Variants in CABCOCO1 observed in about 807,000 individuals in gnomAD.
CABCOCO1 encodes the protein ciliary-associated calcium-binding coiled-coil protein 1.
CABCOCO1 carries 28 observed loss-of-function variants against 35.7 expected under a neutral mutation model. That is an observed-to-expected ratio of 0.78 (90% CI 0.58 to 1.07). The LOEUF (loss-of-function observed/expected upper bound fraction) is 1.07, where lower values mean the gene tolerates loss of function less well. Among genes scored for constraint, CABCOCO1 ranks in the 50% least tolerant of loss-of-function variants. The probability of loss-of-function intolerance (pLI) is 0.00; values close to 1 mark genes in which losing one functional copy is unlikely to be tolerated. For missense variants in CABCOCO1, 326 were observed against 309.2 expected, an observed-to-expected ratio of 1.05 and a Z score of -0.41; for synonymous variants, 95 against 100.1, an observed-to-expected ratio of 0.95 and a Z score of 0.30.
At chr10:61,704,052 A>G (rs1414925839) in intron 5 of CABCOCO1, among the ~76,000 whole-genome samples, 3 of 150,368 alleles carry the variant, frequency 2.0e-5, no homozygotes, top group African/African-American at 7.4e-5. Flanking sequence ...CCCCGTCTCT[A>G]TTAAAAATAC....
intron 5 of CABCOCO1, among the ~76,000 whole-genome samples, chr10:61,695,010 C>T (rs1256263639): frequency 2.0e-5 from 3 of 151,996 alleles, no homozygotes; most frequent in Non-Finnish European, 4.4e-5. Context: ...ATTGTATCAA[C>T]AGTTTTTCAT....
At chr10:61,742,730 A>G (rs1477558242) in intron 5 of CABCOCO1, among the ~76,000 whole-genome samples, 1 of 152,246 alleles carries the variant, frequency 6.6e-6, no homozygotes, top group Non-Finnish European at 1.5e-5. Context: ...ATGTACTTGC[A>G]TTTGGTTTTC....
chr10:61,712,336 C>T (rs967458519), intron 5 of CABCOCO1, among the ~76,000 whole-genome samples: 2 of 152,090 alleles, frequency 1.3e-5, no homozygotes, highest in African/African-American at 4.8e-5. Context: ...ATATCCTTTG[C>T]CCAGTTTTTG....
chr10:61,761,752 G>C (rs754564337), intron 7 of CABCOCO1, among the ~76,000 whole-genome samples: 7 of 152,076 alleles, frequency 4.6e-5, no homozygotes, highest in Non-Finnish European at 1.0e-4. Context: ...ATGCATCTCA[G>C]GAGAAGATTT....
intron 2 of CABCOCO1, among the ~76,000 whole-genome samples, chr10:61,680,363 T>C (rs1476741906): frequency 2.9e-5 from 4 of 136,796 alleles, no homozygotes; most frequent in African/African-American, 8.4e-5. Flanking sequence ...ATAATATATA[T>C]ATTTATATAC....
intron 5 of CABCOCO1, among the ~76,000 whole-genome samples, chr10:61,735,433 C>T (rs1248013766): frequency 6.6e-6 from 1 of 152,046 alleles, no homozygotes; most frequent in African/African-American, 2.4e-5. Context: ...CACCCTGGAG[C>T]AACCAAAGTT....
At chr10:61,726,889 C>A (rs1397208872) in intron 5 of CABCOCO1, among the ~76,000 whole-genome samples, 3 of 145,324 alleles carry the variant, frequency 2.1e-5, no homozygotes, top group African/African-American at 7.7e-5. Flanking sequence ...AAAACCCCGT[C>A]TCTACAGAAA....
At position 61,760,152 on chromosome 10, in the gene CABCOCO1, C is replaced by A. The variant is rs143081316; in HGVS notation, c.646C>A (p.Pro216Thr). 18 of 1,611,644 alleles carry A rather than the reference C, an allele frequency of 1.1e-5. No homozygotes were observed. In the South Asian group the frequency reaches 1.5e-4, roughly 14 times the overall value. ...TGATATTTATTCAACATTCATAGAG[C>A]CCCCCACAATATTGGATACGGAAAT... ...SFDIYSTFIEPPTILDTEMKR... is the reference protein window; with the variant it reads ...SFDIYSTFIETPTILDTEMKR... Residue 216 changes from proline (P) to threonine (T), a missense_variant, in exon 6 of 8, where the codon CCC (proline) becomes ACC (threonine). Pro to Thr is a conservative substitution (Grantham distance 38). Coordinates refer to ENST00000648843, the MANE Select transcript of CABCOCO1 (RefSeq NM_001366906.2).
At chr10:61,715,739 G>A (rs1219244092) in intron 5 of CABCOCO1, among the ~76,000 whole-genome samples, 6 of 152,146 alleles carry the variant, frequency 3.9e-5, no homozygotes, top group Non-Finnish European at 8.8e-5. Context: ...TTGCTTGTCT[G>A]TAAAGGATTT....
intron 5 of CABCOCO1, among the ~76,000 whole-genome samples, chr10:61,743,316 AG>A (rs1365846392): frequency 6.6e-6 from 1 of 152,190 alleles, no homozygotes; most frequent in Non-Finnish European, 1.5e-5. Context: ...CCATAGCAAA[AG>A]ACAAACATAT....
chr10:61,663,117 C>A (rs1839055943), intron 1 of CABCOCO1, 85 bp downstream of exon 1: 1 of 204,972 alleles, frequency 4.9e-6, no homozygotes, highest in Admixed American at 6.5e-5. Context: ...AGTCTGCGGC[C>A]AAGCCAAATC....
At chr10:61,747,709 C>T (rs527237773) in intron 5 of CABCOCO1, among the ~76,000 whole-genome samples, 2 of 151,832 alleles carry the variant, frequency 1.3e-5, no homozygotes, top group South Asian at 2.1e-4. Context: ...ATTGATACTT[C>T]GATCTGCTGA....
intron 5 of CABCOCO1, among the ~76,000 whole-genome samples, chr10:61,752,684 A>C (rs1278707467): frequency 1.3e-5 from 2 of 152,170 alleles, no homozygotes; most frequent in African/African-American, 4.8e-5. Flanking sequence ...TTTTAATGTC[A>C]GATTACTTAA....
At chr10:61,687,160 A>G (rs1839989424) in intron 4 of CABCOCO1, among the ~76,000 whole-genome samples, 1 of 152,232 alleles carries the variant, frequency 6.6e-6, no homozygotes, top group African/African-American at 2.4e-5. Flanking sequence ...TGAATTAATA[A>G]TGTCATATGA....
chr10:61,732,071 G>T (rs1251027013), intron 5 of CABCOCO1, among the ~76,000 whole-genome samples: 1 of 152,022 alleles, frequency 6.6e-6, no homozygotes, highest in Non-Finnish European at 1.5e-5. Context: ...TATAAAATTT[G>T]CCAGTTTTAT....
At chr10:61,739,614 T>C (rs1841500759) in intron 5 of CABCOCO1, among the ~76,000 whole-genome samples, 1 of 152,078 alleles carries the variant, frequency 6.6e-6, no homozygotes, top group East Asian at 1.9e-4. Context: ...TTTTTTTTTT[T>C]AATGCTAGCA....
intron 2 of CABCOCO1, among the ~76,000 whole-genome samples, chr10:61,677,811 G>GTTTTTTTTTTTTTTTTTTTTTTTTTT (rs35492889): frequency 9.9e-5 from 6 of 60,304 alleles, no homozygotes; most frequent in East Asian, 5.4e-4. Flanking sequence ...TTTTTTGGGT[G>GTTTTTTTTTTTTTTTTTTTTTTTTTT]TTTTTTTTTT....
chr10:61,740,614 C>G (rs903654517), intron 5 of CABCOCO1, among the ~76,000 whole-genome samples: 7 of 152,182 alleles, frequency 4.6e-5, no homozygotes. Context: ...TTTGGGCAGA[C>G]TTCTGGAATG....
chr10:61,764,245 C>T (rs1348228807), intron 7 of CABCOCO1, among the ~76,000 whole-genome samples: 1 of 152,034 alleles, frequency 6.6e-6, no homozygotes, highest in Non-Finnish European at 1.5e-5. Flanking sequence ...TTGAGTGGCG[C>T]AATTCTTCCC....
Sources: gnomAD v4.1 joint callset for allele counts (sites outside exome capture counted in the v4.1 genomes callset) on GRCh38, gnomAD v4.1.1 for gene constraint, MANE v1.5 for transcripts, NCBI Gene and HGNC (gene_info 2026-07-23, HGNC 2026-07-21) for gene names.